NELL2: variants seen among roughly 807,000 people sequenced by gnomAD.
NELL2 encodes protein kinase C-binding protein NELL2.
Under a neutral mutation model 109.6 loss-of-function variants are expected in NELL2, and 41 were observed. That is an observed-to-expected ratio of 0.37 (90% confidence interval 0.29 to 0.49). The LOEUF (loss-of-function observed/expected upper bound fraction) is 0.49. Among genes scored for constraint, NELL2 ranks in the 20% least tolerant of loss-of-function variants. The pLI is 0.98. For synonymous variants in NELL2, 355 were observed against 344.7 expected, an observed-to-expected ratio of 1.03 and a Z score of -0.33; for missense variants, 900 against 1,008.3, an observed-to-expected ratio of 0.89 and a Z score of 1.45.
chr12:44,611,640 A>C (rs548600062), intron 13 of NELL2, among the ~76,000 whole-genome samples: 1 of 152,210 alleles, frequency 6.6e-6, no homozygotes, highest in East Asian at 1.9e-4. Context: ...GAAACTCTGG[A>C]AAGCATTGAA....
At chr12:44,623,000 CTATT>C (rs749064774) in intron 13 of NELL2, among the ~76,000 whole-genome samples, 25 of 152,146 alleles carry the variant, frequency 1.6e-4, no homozygotes, top group Non-Finnish European at 2.9e-4. Flanking sequence ...GTGTTTCAGA[CTATT>C]TATTTCTAAC....
At position 44,508,845 on chromosome 12, in the gene NELL2, C is replaced by A. The variant is rs1940846344; in HGVS notation, c.*89G>T. 8.7e-7 allele frequency: 1 copy of A among 1,146,820 alleles called. No individual in the cohort carries two copies. The highest frequency in any genetic ancestry group is 1.3e-6 in the Non-Finnish European group (1 of 775,302). 71.0% of individuals were successfully genotyped at this position (1,146,820 alleles called of 1,614,324 possible). The stretch of plus-strand genomic sequence containing the variant: ...TAACAAAGCTGCATTTAGCTGCCCA[C>A]AAATCACCCAATTTAAGTTTTAACT... On this transcript the variant is annotated 3_prime_UTR_variant, in exon 20 of 20. Transcript: ENST00000429094.
intron 15 of NELL2, among the ~76,000 whole-genome samples, chr12:44,572,140 GTTAT>G (rs1054521464): frequency 2.6e-5 from 4 of 151,836 alleles, no homozygotes; most frequent in East Asian, 1.9e-4. Flanking sequence ...TTATTCAAAT[GTTAT>G]TTATTTGTTT....
At chr12:44,776,244 A>G in intron 7 of NELL2, 94 bp from the exon 8 acceptor site, 1 of 1,316,394 alleles carries the variant, frequency 7.6e-7, no homozygotes, top group Non-Finnish European at 1.0e-6. Context: ...TAAAGTATGT[A>G]GCAATGATGA....
chr12:44,639,844 T>A (rs1313045335), intron 13 of NELL2, among the ~76,000 whole-genome samples: 1 of 151,560 alleles, frequency 6.6e-6, no homozygotes, highest in Non-Finnish European at 1.5e-5. Context: ...AAATGGAAAC[T>A]CCTTCCATGG....
intron 15 of NELL2, among the ~76,000 whole-genome samples, chr12:44,582,999 C>T (rs1452771405): frequency 6.6e-6 from 1 of 152,122 alleles, no homozygotes; most frequent in Non-Finnish European, 1.5e-5. Context: ...GCACATAGCA[C>T]GAAGGCCCTT....
At chr12:44,562,060 T>C (rs1054821578) in intron 15 of NELL2, among the ~76,000 whole-genome samples, 2 of 152,138 alleles carry the variant, frequency 1.3e-5, no homozygotes, top group African/African-American at 2.4e-5. Context: ...AAACAAGCAA[T>C]GTGGAAAGGA....
intron 3 of NELL2, among the ~76,000 whole-genome samples, chr12:44,783,540 T>A (rs920520318): frequency 6.6e-6 from 1 of 151,908 alleles, no homozygotes; most frequent in Non-Finnish European, 1.5e-5. Context: ...CTGCAGATAT[T>A]GAAAGGTTAA....
intron 13 of NELL2, among the ~76,000 whole-genome samples, chr12:44,622,611 A>C (rs1946099276): frequency 6.6e-6 from 1 of 152,186 alleles, no homozygotes; most frequent in Admixed American, 6.6e-5. Flanking sequence ...TAAGAAAAAC[A>C]ACCATAGCAT....
At chr12:44,577,132 C>A (rs1488790124) in intron 15 of NELL2, among the ~76,000 whole-genome samples, 12 of 111,320 alleles carry the variant, frequency 1.1e-4, no homozygotes, top group East Asian at 2.5e-4. Context: ...CTGACTTCCA[C>A]AATGGTTGAA....
intron 9 of NELL2, among the ~76,000 whole-genome samples, chr12:44,766,286 T>C (rs17095000): frequency 0.025 from 3,743 of 152,258 alleles, 169 homozygotes; most frequent in African/African-American, 0.086. Context: ...ATTTTCAAGG[T>C]AGCCATTGGA....
chr12:44,514,804 A>G (rs1157695178), intron 19 of NELL2, among the ~76,000 whole-genome samples: 1 of 151,430 alleles, frequency 6.6e-6, no homozygotes, highest in Non-Finnish European at 1.5e-5. Flanking sequence ...ATGGAACTGT[A>G]GGATTTATAG....
intron 13 of NELL2, among the ~76,000 whole-genome samples, chr12:44,615,876 GTT>G (rs1173358638): frequency 6.6e-6 from 1 of 152,114 alleles, no homozygotes; most frequent in African/African-American, 2.4e-5. Context: ...GTAGATATAA[GTT>G]TTTAAAAGAA....
chr12:44,912,894 C>T (rs1349807462), intron 1 of NELL2, among the ~76,000 whole-genome samples: 3 of 152,098 alleles, frequency 2.0e-5, no homozygotes, highest in Non-Finnish European at 4.4e-5. Flanking sequence ...CTAGCTATTC[C>T]ACTTACTAGC....
At chr12:44,661,181 G>T (rs12230951) in intron 13 of NELL2, among the ~76,000 whole-genome samples, 1 of 152,156 alleles carries the variant, frequency 6.6e-6, no homozygotes, top group Admixed American at 6.5e-5. Context: ...CTTCCCAAGC[G>T]TAAGGAGGGC....
chr12:44,915,112 A>C (rs1191051347), upstream of NELL2, among the ~76,000 whole-genome samples: 3 of 152,156 alleles, frequency 2.0e-5, no homozygotes, highest in African/African-American at 7.2e-5. Flanking sequence ...CGGCCTCCCA[A>C]AGTGCTGGGA....
At chr12:44,525,791 C>T (rs1203017127) in intron 16 of NELL2, among the ~76,000 whole-genome samples, 3 of 152,332 alleles carry the variant, frequency 2.0e-5, no homozygotes, top group South Asian at 2.1e-4. Flanking sequence ...TACTCCCTCT[C>T]CTTGATACAT....
intron 13 of NELL2, among the ~76,000 whole-genome samples, chr12:44,640,689 A>G (rs1376705240): frequency 6.6e-6 from 1 of 152,018 alleles, no homozygotes; most frequent in Non-Finnish European, 1.5e-5. Flanking sequence ...TTTTAAATAG[A>G]GTTACCATAT....
At chr12:44,523,554 C>G in intron 16 of NELL2, 70 bp from the exon 17 acceptor site, 1 of 1,333,528 alleles carries the variant, frequency 7.5e-7, no homozygotes, top group East Asian at 2.3e-5. Flanking sequence ...GCAATCAGGC[C>G]AGTTGTCTCC....
Sources: allele counts gnomAD v4.1 joint callset (sites outside exome capture counted in the v4.1 genomes callset), GRCh38; gene constraint gnomAD v4.1.1; transcripts MANE v1.5; gene names NCBI Gene and HGNC (gene_info 2026-07-23, HGNC 2026-07-21).